Variants in LRATD1 observed in about 807,000 individuals in gnomAD.
LRATD1 encodes LRAT domain containing 1, also known as protein LRATD1.
In LRATD1, 8 loss-of-function variants were observed where a neutral mutation model predicts 21.3. That is an observed-to-expected ratio of 0.38 (90% CI 0.22 to 0.68). LRATD1 has a LOEUF of 0.68. LRATD1 is among the 30% of genes least tolerant of loss of function. LRATD1 has a pLI of 0.54. For synonymous variants in LRATD1, 210 were observed against 186.2 expected (o/e 1.13, Z -1.04); for missense variants, 380 against 404.0 (o/e 0.94, Z 0.51).
chr2:14,647,680 T>G (rs1558258224), intron 4 of LRATD1, among the ~76,000 whole-genome samples: 1 of 151,932 alleles, frequency 6.6e-6, no homozygotes, highest in Admixed American at 6.6e-5. Context: ...AATATAGCAA[T>G]CTGTAACTAT....
downstream of LRATD1, among the ~76,000 whole-genome samples, chr2:14,644,974 G>A (rs1033616818): frequency 6.6e-6 from 1 of 152,082 alleles, no homozygotes; most frequent in Non-Finnish European, 1.5e-5. Context: ...CTAAAAAAAT[G>A]GTATTGGCTC....
chr2:14,648,406 C>A (rs1024701493), intron 4 of LRATD1, among the ~76,000 whole-genome samples: 7 of 152,018 alleles, frequency 4.6e-5, no homozygotes, highest in Non-Finnish European at 1.0e-4. Context: ...AATTCCAAAT[C>A]ACAAAACTAT....
chr2:14,634,459 G>C lies in LRATD1; in HGVS notation c.480G>C (p.Glu160Asp). Residue 160 changes from glutamate to aspartate, a missense_variant, in exon 2 of 2, where the codon GAG becomes GAC. Coordinates refer to ENST00000295092, the MANE Select transcript of LRATD1 (RefSeq NM_145175.4). ...AGATCATCCACCTGCACCAAGGCGA[G>C]ATCCGCCAGGACAGCCTGTATGAGG... ...GGQIIHLHQGEIRQDSLYEAG... is the reference protein window; with the variant it reads ...GGQIIHLHQGDIRQDSLYEAG... 6.6e-7 allele frequency: 1 copy of C among 1,521,574 alleles called. No homozygotes were observed. The allele number at this position is 1,521,574 out of a possible 1,614,324, so 94.3% of individuals were successfully genotyped here. A position where few individuals can be genotyped will look rare whatever the true frequency, so the allele number is the denominator to read the frequency against.
chr2:14,643,284 C>T (rs1671835655), downstream of LRATD1, among the ~76,000 whole-genome samples: 1 of 152,146 alleles, frequency 6.6e-6, no homozygotes, highest in African/African-American at 2.4e-5. Flanking sequence ...GTAGTTACTC[C>T]ATCCTTTATA....
chr2:14,651,252 T>A (rs1672000614), downstream of LRATD1, among the ~76,000 whole-genome samples: 3 of 152,144 alleles, frequency 2.0e-5, no homozygotes, highest in African/African-American at 2.4e-5. Flanking sequence ...ACATCATAGA[T>A]CCGTCTAAGA....
At chr2:14,640,226 T>C (rs1344273388), downstream of LRATD1, among the ~76,000 whole-genome samples, 2 of 152,228 alleles carry the variant, frequency 1.3e-5, no homozygotes, top group African/African-American at 2.4e-5. Flanking sequence ...TTTTCTTTGG[T>C]ATATGGGAAT....
chr2:14,635,668 C>T lies in LRATD1; in HGVS notation c.*810C>T, dbSNP rs1161488956. 8.6e-6 allele frequency: 4 copies of T among 466,656 alleles called. No homozygotes were observed. Among genetic ancestry groups the T allele is most frequent in the Non-Finnish European group, 1.8e-5 (4 of 224,388 alleles). The allele number at this position is 466,656 out of a possible 1,614,324, so 28.9% of individuals were successfully genotyped here. On this transcript the variant is annotated 3_prime_UTR_variant, in exon 2 of 2. Transcript: ENST00000295092. ...CGGTGAGGACAGCCGGCCCCGCCCC[C>T]GACAAGGAGCTCGCTCGTTCACCTG...
chr2:14,650,539 T>A (rs1184315530), downstream of LRATD1: 2 of 152,210 alleles, frequency 1.3e-5, no homozygotes, highest in Non-Finnish European at 2.9e-5. Context: ...TATTCACATA[T>A]GTGTACTTTC....
At chr2:14,640,384 A>G (rs1033109378), downstream of LRATD1, among the ~76,000 whole-genome samples, 1 of 152,202 alleles carries the variant, frequency 6.6e-6, no homozygotes, top group African/African-American at 2.4e-5. Context: ...TAATATGAAC[A>G]TGAGTTCTGA....
At position 14,634,507 on chromosome 2, in the gene LRATD1, G is replaced by C; in HGVS notation, c.528G>C (p.Arg176=). The C allele has an allele frequency of 6.6e-7, 1 of 1,506,818 alleles. No homozygotes were observed. Among genetic ancestry groups the C allele is most frequent in the Non-Finnish European group, 8.9e-7 (1 of 1,129,248 alleles). The allele number at this position is 1,506,818 out of a possible 1,614,324, so 93.3% of individuals were successfully genotyped here. ...AGGCGGGCGCGGCCAACGTGGGCCG[G>C]GTGGTGAATAGCTGGTACCGCTACC... ...LYEAGAANVG[R]VVNSWYRYRP... Residue 176 remains arginine (R), a synonymous_variant, in exon 2 of 2, where the codon CGG becomes CGC. Transcript: ENST00000295092.
chr2:14,633,827 C>G lies in LRATD1; in HGVS notation c.-36-117C>G, dbSNP rs1256686835. The G allele has an allele frequency of 9.7e-6, 10 of 1,036,104 alleles. No individual in the cohort carries two copies. Among genetic ancestry groups the G allele is most frequent in the Non-Finnish European group, 4.2e-6 (3 of 722,464 alleles). The allele number at this position is 1,036,104 out of a possible 1,614,324, so 64.2% of individuals were successfully genotyped here. On this transcript the variant is annotated intron_variant, in intron 1 of 1. Transcript: ENST00000295092. The surrounding 1 kb of genome is among the most constrained non-coding windows in gnomAD (Gnocchi z 7.5). ...AGGACTCGGCTGGAAAGGGTGACTC[C>G]GGTGAGGGCACGTAAGCTAGCCGGC...
Position 14,636,847 on chromosome 2 carries a change from TTTTC to T in LRATD1, c.*1997_*2000del, listed in dbSNP as rs1184756083. 1.8e-5 allele frequency: 3 copies of T among 167,132 alleles called. No homozygotes were observed. The highest frequency in any genetic ancestry group is 1.9e-4 in the East Asian group (1 of 5,206). The allele number at this position is 167,132 out of a possible 1,614,324, so 10.4% of individuals were successfully genotyped here. A position where few individuals can be genotyped will look rare whatever the true frequency, so the allele number is the denominator to read the frequency against. ...CATGGTAAATGATTCACTTCTATAT[TTTTC>T]TTTCTTTTTCTTTTTTTTTCTTTGG... On this transcript the variant is annotated 3_prime_UTR_variant, in exon 2 of 2. Coordinates refer to ENST00000295092, the MANE Select transcript of LRATD1 (RefSeq NM_145175.4).
Position 14,635,284 on chromosome 2 carries a change from C to G in LRATD1, c.*426C>G, listed in dbSNP as rs1344021783. ...ACCGCCCCGAGCGTGCGCACACAGACCGGTCGGAGGCGAGAACTGGTCTCT... is the reference window on the plus strand; with the variant it reads ...ACCGCCCCGAGCGTGCGCACACAGAGCGGTCGGAGGCGAGAACTGGTCTCT... On this transcript the variant is annotated 3_prime_UTR_variant, in exon 2 of 2. Coordinates refer to ENST00000295092, the MANE Select transcript of LRATD1 (RefSeq NM_145175.4). The G allele has an allele frequency of 4.0e-6, 2 of 495,204 alleles. No individual in the cohort carries two copies. Among genetic ancestry groups the G allele is most frequent in the Non-Finnish European group, 8.2e-6 (2 of 243,678 alleles). The allele number at this position is 495,204 out of a possible 1,614,324, so 30.7% of individuals were successfully genotyped here.
In LRATD1 at chr2:14,635,059, A is replaced by T. The variant is rs1191519905; in HGVS notation, c.*201A>T. 1.2e-6 allele frequency: 1 copy of T among 819,274 alleles called. No homozygotes were observed. The highest frequency in any genetic ancestry group is 1.7e-5 in the African/African-American group (1 of 59,032). The allele number at this position is 819,274 out of a possible 1,614,324, so 50.8% of individuals were successfully genotyped here. On this transcript the variant is annotated 3_prime_UTR_variant, in exon 2 of 2. Transcript: ENST00000295092. ...TCTCAGGAACTGCCCCAGGGCCGAA[A>T]GGGCGCCGCTGCGAGCGCCTGGCTG...
intron 2 of LRATD1, among the ~76,000 whole-genome samples, chr2:14,645,439 T>G (rs1671877342): frequency 6.6e-6 from 1 of 152,242 alleles, no homozygotes; most frequent in African/African-American, 2.4e-5. Context: ...TATGCATTTA[T>G]TTTAATAAGG....
At chr2:14,651,226 T>C (rs1672000334), downstream of LRATD1, among the ~76,000 whole-genome samples, 2 of 151,950 alleles carry the variant, frequency 1.3e-5, no homozygotes, top group Non-Finnish European at 2.9e-5. Context: ...TAGCACTAGG[T>C]TTTTAAGATC....
In LRATD1 at chr2:14,634,404, C is replaced by T. The variant is rs749415218; in HGVS notation, c.425C>T (p.Pro142Leu). ...QPAPEPPAPAPHWAVYVGGGQ... is the reference protein window; with the variant it reads ...QPAPEPPAPALHWAVYVGGGQ... ...GCGCCGGAGCCGCCCGCGCCCGCCC[C>T]GCACTGGGCCGTCTACGTGGGCGGC... The change falls in exon 2 of 2, where the codon CCG becomes CTG. Residue 142 changes from proline to leucine, a missense_variant. Physicochemically the swap from Pro to Leu is moderately conservative, Grantham distance 98. Transcript: ENST00000295092. 6.5e-7 allele frequency: 1 copy of T among 1,527,366 alleles called. No individual in the cohort carries two copies. Among genetic ancestry groups the T allele is most frequent in the African/African-American group, 1.4e-5 (1 of 72,596 alleles). The allele number at this position is 1,527,366 out of a possible 1,614,324, so 94.6% of individuals were successfully genotyped here.
chr2:14,640,335 A>G (rs1671787594), downstream of LRATD1, among the ~76,000 whole-genome samples: 1 of 152,200 alleles, frequency 6.6e-6, no homozygotes, highest in African/African-American at 2.4e-5. Flanking sequence ...TATATATTAA[A>G]ATAATTGCTA....
intron 4 of LRATD1, among the ~76,000 whole-genome samples, chr2:14,647,472 T>C (rs1189807036): frequency 6.6e-6 from 1 of 152,130 alleles, no homozygotes; most frequent in East Asian, 1.9e-4. Context: ...AACTACTTGC[T>C]GTGGACTCAA....
Sources: gnomAD v4.1 joint callset for allele counts (sites outside exome capture counted in the v4.1 genomes callset) on GRCh38, gnomAD v4.1.1 for gene constraint, Gnocchi (gnomAD v3.1) non-coding constraint, MANE v1.5 for transcripts, NCBI Gene and HGNC (gene_info 2026-07-23, HGNC 2026-07-21) for gene names.